EXOC4: variants seen among roughly 807,000 people sequenced by gnomAD.
EXOC4 encodes exocyst complex component 4, also known as SEC8-like 1.
Under a neutral mutation model 107.2 loss-of-function variants are expected in EXOC4, and 71 were observed. The ratio of observed to expected loss-of-function variants is 0.66; its 90% CI spans 0.55 to 0.81. The LOEUF (loss-of-function observed/expected upper bound fraction) is 0.81, where lower values mean the gene tolerates loss of function less well. Ranked by LOEUF, EXOC4 falls within the 30% of genes least tolerant of loss-of-function variation. EXOC4 has a pLI of 0.00. For synonymous variants in EXOC4, 456 were observed against 441.2 expected, an observed-to-expected ratio of 1.03 and a Z score of -0.42; for missense variants, 1,108 against 1,189.6, an observed-to-expected ratio of 0.93 and a Z score of 1.01.
intron 7 of EXOC4, among the ~76,000 whole-genome samples, chr7:133,464,128 C>T (rs977884252): frequency 6.6e-6 from 1 of 152,020 alleles, no homozygotes; most frequent in Non-Finnish European, 1.5e-5. Flanking sequence ...ATTTTGTATG[C>T]GTTATTAAAA....
chr7:133,541,381 G>A (rs1800376701), intron 9 of EXOC4, among the ~76,000 whole-genome samples: 1 of 152,174 alleles, frequency 6.6e-6, no homozygotes, highest in Non-Finnish European at 1.5e-5. Flanking sequence ...ACTGTTGGCT[G>A]TAAACACTTG....
At chr7:133,804,310 C>T (rs1428055035) in intron 10 of EXOC4, among the ~76,000 whole-genome samples, 3 of 152,120 alleles carry the variant, frequency 2.0e-5, no homozygotes, top group Admixed American at 6.5e-5. Flanking sequence ...GTTTAAGGGA[C>T]AAGACTAATA....
chr7:133,723,697 G>A (rs1795155470), intron 10 of EXOC4, among the ~76,000 whole-genome samples: 1 of 152,114 alleles, frequency 6.6e-6, no homozygotes, highest in Admixed American at 6.6e-5. Context: ...CACTATGTTG[G>A]TTGGGCTGTA....
At chr7:133,594,493 C>CTTTTTTTTTTTTTTTTTTTTTTTTTTTT (rs532692119) in intron 9 of EXOC4, among the ~76,000 whole-genome samples, 1 of 90,362 alleles carries the variant, frequency 1.1e-5, no homozygotes. Context: ...AAGCTTGAGT[C>CTTTTTTTTTTTTTTTTTTTTTTTTTTTT]TTTTTTTTTT....
chr7:133,467,736 T>C (rs755682045), intron 7 of EXOC4, among the ~76,000 whole-genome samples: 3 of 151,702 alleles, frequency 2.0e-5, no homozygotes, highest in Non-Finnish European at 4.4e-5. Context: ...TTGCTTGTTC[T>C]GTTCTGTGCC....
At chr7:133,992,289 G>GTTTTGTTTTGT (rs59381151) in intron 14 of EXOC4, among the ~76,000 whole-genome samples, 120 of 152,202 alleles carry the variant, frequency 7.9e-4, no homozygotes, top group African/African-American at 2.8e-3. Flanking sequence ...TGTTTTGTTT[G>GTTTTGTTTTGT]TTTGTTTTTT....
intron 13 of EXOC4, among the ~76,000 whole-genome samples, chr7:133,924,060 A>C (rs576721696): frequency 1.3e-5 from 2 of 152,104 alleles, no homozygotes; most frequent in African/African-American, 4.8e-5. Flanking sequence ...CCCTGAGTAG[A>C]AATAATTAAA....
intron 2 of EXOC4, among the ~76,000 whole-genome samples, chr7:133,288,554 T>C (rs1169712764): frequency 6.6e-6 from 1 of 152,162 alleles, no homozygotes; most frequent in Non-Finnish European, 1.5e-5. Flanking sequence ...TTTGCAAGCA[T>C]TGGGGAAGGT....
At chr7:133,571,495 T>C (rs1801022670) in intron 9 of EXOC4, among the ~76,000 whole-genome samples, 1 of 151,904 alleles carries the variant, frequency 6.6e-6, no homozygotes, top group South Asian at 2.1e-4. Context: ...GCCAACATGG[T>C]GAATCTCTAC....
intron 14 of EXOC4, among the ~76,000 whole-genome samples, chr7:133,960,834 G>A (rs1157202597): frequency 1.3e-5 from 2 of 152,188 alleles, no homozygotes; most frequent in South Asian, 2.1e-4. Flanking sequence ...GTAGTCAGCT[G>A]CAATGACAAG....
chr7:133,587,616 A>G (rs1348544222), intron 9 of EXOC4, among the ~76,000 whole-genome samples: 3 of 152,208 alleles, frequency 2.0e-5, no homozygotes, highest in Non-Finnish European at 2.9e-5. Flanking sequence ...TTTTAACATC[A>G]TTGTTTGAAC....
At chr7:134,081,882 G>A in the EXOC4 span, among the ~76,000 whole-genome samples, 1 of 152,192 alleles carries the variant, frequency 6.6e-6, no homozygotes, top group Non-Finnish European at 1.5e-5. Flanking sequence ...ACAGGACTTT[G>A]AGCTGAAAGA....
intron 5 of EXOC4, among the ~76,000 whole-genome samples, chr7:133,332,427 G>A (rs1795415981): frequency 6.6e-6 from 1 of 152,026 alleles, no homozygotes; most frequent in East Asian, 1.9e-4. Context: ...TCAGGAGATC[G>A]AGACCATCCT....
chr7:134,011,373 C>G (rs921589169), intron 17 of EXOC4, among the ~76,000 whole-genome samples: 1 of 152,124 alleles, frequency 6.6e-6, no homozygotes, highest in Non-Finnish European at 1.5e-5. Context: ...CCAGTTCTCC[C>G]CTCTTTACCC....
intron 9 of EXOC4, among the ~76,000 whole-genome samples, chr7:133,490,400 C>T (rs2150873673): frequency 6.6e-6 from 1 of 152,164 alleles, no homozygotes; most frequent in South Asian, 2.1e-4. Context: ...TATACAAGTT[C>T]TGGGAAAGGC....
chr7:133,662,988 G>T (rs970460135), intron 10 of EXOC4, among the ~76,000 whole-genome samples: 1 of 152,118 alleles, frequency 6.6e-6, no homozygotes, highest in African/African-American at 2.4e-5. Flanking sequence ...CCCTTTTGCA[G>T]TGGAGAAAGT....
At chr7:133,425,055 G>A (rs1466720063) in intron 7 of EXOC4, among the ~76,000 whole-genome samples, 2 of 151,968 alleles carry the variant, frequency 1.3e-5, no homozygotes, top group African/African-American at 2.4e-5. Context: ...GGTACCCTAT[G>A]AGGGAAGGCA....
chr7:133,915,202 G>A (rs959016331), intron 12 of EXOC4, among the ~76,000 whole-genome samples: 8 of 151,832 alleles, frequency 5.3e-5, no homozygotes, highest in Admixed American at 2.0e-4. Context: ...AGGAGAGGGA[G>A]CAGCTTTGTT....
At chr7:133,642,720 G>C (rs970495780) in intron 10 of EXOC4, among the ~76,000 whole-genome samples, 1 of 152,040 alleles carries the variant, frequency 6.6e-6, no homozygotes, top group Admixed American at 6.6e-5. Flanking sequence ...CTTATCCTCA[G>C]CCCTTGAAGT....
Sources: allele counts gnomAD v4.1 joint callset (sites outside exome capture counted in the v4.1 genomes callset), GRCh38; gene constraint gnomAD v4.1.1; transcripts MANE v1.5; gene names NCBI Gene and HGNC (gene_info 2026-07-23, HGNC 2026-07-21).